Variants in TLL1 observed in about 807,000 individuals in gnomAD.
The protein encoded by TLL1 is tolloid like 1.
A neutral mutation model predicts 128.2 loss-of-function variants in TLL1; 49 were observed. The observed-to-expected ratio is 0.38, with a 90% CI of 0.30 to 0.48. The LOEUF (loss-of-function observed/expected upper bound fraction) is 0.48, where lower values mean the gene tolerates loss of function less well. TLL1 is among the 20% of genes least tolerant of loss of function. TLL1 has a pLI of 0.96. For missense variants in TLL1, 1,123 were observed against 1,242.0 expected (o/e 0.90, Z 1.44); for synonymous variants, 454 against 418.8 (o/e 1.08, Z -1.03).
At chr4:166,100,650 A>G in intron 20 of TLL1, 92 bp from the exon 21 acceptor site, 4 of 1,529,946 alleles carry the variant, frequency 2.6e-6, no homozygotes, top group Non-Finnish European at 3.6e-6. Context: ...TTATATTCCA[A>G]AGACAAGTAT....
At chr4:165,920,102 TA>T (rs1732978073) in intron 1 of TLL1, among the ~76,000 whole-genome samples, 1 of 152,208 alleles carries the variant, frequency 6.6e-6, no homozygotes, top group South Asian at 2.1e-4. Flanking sequence ...TCTCAAGTAA[TA>T]AATGCCATGC....
intron 1 of TLL1, among the ~76,000 whole-genome samples, chr4:165,883,569 T>G (rs549121114): frequency 6.6e-6 from 1 of 152,218 alleles, no homozygotes; most frequent in East Asian, 1.9e-4. Context: ...GAATTAATTG[T>G]AAAGTACACA....
intron 1 of TLL1, among the ~76,000 whole-genome samples, chr4:165,886,821 G>A (rs1299962193): frequency 6.6e-6 from 1 of 152,050 alleles, no homozygotes; most frequent in African/African-American, 2.4e-5. Flanking sequence ...TGTGGATATG[G>A]AGGGCTGACT....
In TLL1 at chr4:165,956,967, C is replaced by T. The variant is rs6848145; in HGVS notation, c.170-32414C>T. ...CTTCACAATTGCATCTACAAAACAACCAGCTAACCACAGACAGGATCAAAA... is the reference window on the plus strand; with the variant it reads ...CTTCACAATTGCATCTACAAAACAATCAGCTAACCACAGACAGGATCAAAA... On this transcript the variant is annotated intron_variant, in intron 1 of 20. Transcript: ENST00000061240. Among the ~76,000 whole-genome samples the T allele has an allele frequency of 1.6e-3, 249 of 152,124 alleles. 2 individuals are homozygous for T. In the Middle Eastern group the frequency reaches 0.02, roughly 12 times the overall value.
chr4:165,901,769 G>A (rs1732003948), intron 1 of TLL1, among the ~76,000 whole-genome samples: 1 of 152,184 alleles, frequency 6.6e-6, no homozygotes, highest in Non-Finnish European at 1.5e-5. Context: ...GAGCTGGAGT[G>A]CTGTTCTGGG....
At chr4:166,098,334 C>CAAAAAAAAAAAAA (rs3047106) in intron 19 of TLL1, among the ~76,000 whole-genome samples, 1 of 110,400 alleles carries the variant, frequency 9.1e-6, no homozygotes, top group Non-Finnish European at 1.8e-5. Flanking sequence ...GAGTTCTTCT[C>CAAAAAAAAAAAAA]AAAAAAAAAA....
intron 1 of TLL1, among the ~76,000 whole-genome samples, chr4:165,937,433 C>T (rs1187540156): frequency 1.3e-5 from 2 of 152,114 alleles, no homozygotes; most frequent in Non-Finnish European, 2.9e-5. Flanking sequence ...ACTATTACTA[C>T]CAATTCTGAT....
chr4:166,091,115 C>T lies in TLL1; in HGVS notation c.2443-13C>T. Reference sequence around the variant, plus strand: ...TTTTTTTTTAAAAAAATTATTTCTTCTTTTTAAAAAAGGCCTTTAGTGAAT... The same window carrying T: ...TTTTTTTTTAAAAAAATTATTTCTTTTTTTTAAAAAAGGCCTTTAGTGAAT... On this transcript the variant is annotated splice_polypyrimidine_tract_variant and intron_variant, in intron 18 of 20. Transcript: ENST00000061240. The T allele has an allele frequency of 6.2e-7, 1 of 1,602,804 alleles. No homozygotes were observed. Among genetic ancestry groups the T allele is most frequent in the Non-Finnish European group, 8.5e-7 (1 of 1,173,636 alleles).
intron 1 of TLL1, among the ~76,000 whole-genome samples, chr4:165,879,372 A>G (rs1404206503): frequency 1.3e-5 from 2 of 152,152 alleles, no homozygotes; most frequent in East Asian, 3.9e-4. Flanking sequence ...CTCATGTGAA[A>G]TTGAGACTTA....
intron 5 of TLL1, among the ~76,000 whole-genome samples, chr4:165,998,926 T>C (rs530360755): frequency 6.6e-6 from 1 of 152,286 alleles, no homozygotes; most frequent in Admixed American, 6.5e-5. Flanking sequence ...GAAGGTTATA[T>C]AGTTAGGCAG....
chr4:165,937,380 A>G (rs776318535), intron 1 of TLL1, among the ~76,000 whole-genome samples: 1 of 152,190 alleles, frequency 6.6e-6, no homozygotes, highest in Non-Finnish European at 1.5e-5. Context: ...TAATTATTCT[A>G]TCCCACATTT....
intron 4 of TLL1, 66 bp from the exon 5 acceptor site, chr4:165,994,995 G>C (rs1736802696): frequency 7.7e-7 from 1 of 1,299,090 alleles, no homozygotes; most frequent in African/African-American, 1.5e-5. Flanking sequence ...TTAGGGTAGA[G>C]GATGCAGCAA....
chr4:165,911,551 T>C (rs1732528984), intron 1 of TLL1, among the ~76,000 whole-genome samples: 1 of 152,208 alleles, frequency 6.6e-6, no homozygotes, highest in Non-Finnish European at 1.5e-5. Flanking sequence ...GTAAACGACT[T>C]CCTTGATATA....
intron 18 of TLL1, among the ~76,000 whole-genome samples, chr4:166,083,162 G>T: frequency 7.9e-6 from 1 of 126,788 alleles, no homozygotes; most frequent in Non-Finnish European, 1.9e-5. Flanking sequence ...TATGTATACA[G>T]TGGAACTTTC....
intron 9 of TLL1, among the ~76,000 whole-genome samples, chr4:166,031,268 C>G (rs1278951613): frequency 6.6e-6 from 1 of 150,620 alleles, no homozygotes; most frequent in Non-Finnish European, 1.5e-5. Context: ...CTATGTACGG[C>G]TTATTATATG....
At chr4:165,902,018 A>G (rs1732015584) in intron 1 of TLL1, among the ~76,000 whole-genome samples, 1 of 152,092 alleles carries the variant, frequency 6.6e-6, no homozygotes, top group Non-Finnish European at 1.5e-5. Flanking sequence ...CCGAGTTCGA[A>G]CTTCTGGGCA....
At chr4:166,035,370 T>C (rs1426369612) in intron 9 of TLL1, among the ~76,000 whole-genome samples, 1 of 152,168 alleles carries the variant, frequency 6.6e-6, no homozygotes, top group Non-Finnish European at 1.5e-5. Context: ...TCTGAATATA[T>C]ACCATGAAAA....
intron 1 of TLL1, among the ~76,000 whole-genome samples, chr4:165,969,486 T>G (rs1735536989): frequency 1.3e-5 from 2 of 152,116 alleles, no homozygotes; most frequent in African/African-American, 2.4e-5. Flanking sequence ...CACACATTTT[T>G]GAAAAATGCT....
At chr4:165,948,617 G>A (rs1734367689) in intron 1 of TLL1, among the ~76,000 whole-genome samples, 1 of 152,090 alleles carries the variant, frequency 6.6e-6, no homozygotes, top group Admixed American at 6.6e-5. Flanking sequence ...CATGGTGAGG[G>A]GGCTGATTAT....
Sources: allele counts gnomAD v4.1 joint callset (sites outside exome capture counted in the v4.1 genomes callset), GRCh38; gene constraint gnomAD v4.1.1; transcripts MANE v1.5; gene names NCBI Gene and HGNC (gene_info 2026-07-23, HGNC 2026-07-21).